Variants in KCNK3 observed in about 807,000 individuals in gnomAD.
KCNK3 encodes potassium channel subfamily K member 3.
A neutral mutation model predicts 27.3 loss-of-function variants in KCNK3; 9 were observed. The observed-to-expected ratio is 0.33, with a 90% CI of 0.20 to 0.57. The LOEUF (loss-of-function observed/expected upper bound fraction) is 0.57, where lower values mean the gene tolerates loss of function less well. Ranked by LOEUF, KCNK3 falls within the 20% of genes least tolerant of loss-of-function variation. The pLI is 0.87. For synonymous variants in KCNK3, 278 were observed against 273.8 expected (o/e 1.02, Z -0.15); for missense variants, 391 against 577.7 (o/e 0.68, Z 3.31).
chr2:26,699,803 G>A (rs527703731), intron 1 of KCNK3, among the ~76,000 whole-genome samples: 23 of 152,328 alleles, frequency 1.5e-4, no homozygotes, highest in Admixed American at 1.3e-3. Context: ...CTCCAGGACG[G>A]CAGGCGGCAT....
rs1361844478 is a variant in KCNK3, at chr2:26,692,826, G to C, written c.-50G>C. ...GGCAGCAGCAGCGGCGGCCGGGGCC[G>C]AGGCGCGGGCCGGGGGCGCCGGGGG... is the stretch of plus-strand genomic sequence containing the variant. On this transcript the variant is annotated 5_prime_UTR_variant, in exon 1 of 2. Coordinates refer to ENST00000302909, the MANE Select transcript of KCNK3 (RefSeq NM_002246.3). This position sits in a 1 kb window ranked among gnomAD's most constrained non-coding sequence, Gnocchi z 5.6. 1 of 1,057,210 alleles carries C rather than the reference G, an allele frequency of 9.5e-7. No individual in the cohort carries two copies. Among genetic ancestry groups the C allele is most frequent in the East Asian group, 5.7e-5 (1 of 17,682 alleles). The allele number at this position is 1,057,210 out of a possible 1,614,324, so 65.5% of individuals were successfully genotyped here.
intron 1 of KCNK3, among the ~76,000 whole-genome samples, chr2:26,697,884 A>C (rs902507298): frequency 1.3e-5 from 2 of 152,126 alleles, no homozygotes; most frequent in Non-Finnish European, 2.9e-5. Context: ...TTCATGAGGA[A>C]ACCTATACTT....
Position 26,721,863 on chromosome 2 carries a change from T to C in KCNK3, c.284-5804T>C, listed in dbSNP as rs1663333918. Among the ~76,000 whole-genome samples, 1 of 152,194 alleles carries C rather than the reference T, an allele frequency of 6.6e-6. No individual in the cohort carries two copies. The highest frequency in any genetic ancestry group is 1.5e-5 in the Non-Finnish European group (1 of 68,030). The stretch of plus-strand genomic sequence containing the variant: ...CCAGCCATTGCCTATTTACATTAGA[T>C]AACTAGGTCAGCCTGGAGACAGGCA... On this transcript the variant is annotated intron_variant, in intron 1 of 1. Coordinates refer to ENST00000302909, the MANE Select transcript of KCNK3 (RefSeq NM_002246.3). The surrounding 1 kb of genome is among the most constrained non-coding windows in gnomAD (Gnocchi z 4.3).
rs758115202 is a variant in KCNK3 at position 26,728,218 on chromosome 2, G to C, written c.835G>C (p.Ala279Pro). The C allele has an allele frequency of 6.4e-7, 1 of 1,563,680 alleles. No homozygotes were observed. Among genetic ancestry groups the C allele is most frequent in the Admixed American group, 1.9e-5 (1 of 53,362 alleles). ...GGGCGGCGGCGGAGGGGGTGGCAGC[G>C]CGCACACTACGGACACCGCCTCATC... is the stretch of plus-strand genomic sequence containing the variant. ...QAGGGGGGGSAHTTDTASSTA... is the reference protein window; with the variant it reads ...QAGGGGGGGSPHTTDTASSTA... The change falls in exon 2 of 2, where the codon GCG becomes CCG. Residue 279 changes from alanine (A) to proline (P), a missense_variant. By Grantham distance (27) the Ala-to-Pro change is conservative. Transcript: ENST00000302909.
At chr2:26,727,618 G>T in intron 1 of KCNK3, 49 bp from the exon 2 acceptor site, 1 of 1,511,642 alleles carries the variant, frequency 6.6e-7, no homozygotes, top group East Asian at 2.3e-5. Flanking sequence ...TTTCTGGAAG[G>T]GCAGCCCCAA....
At position 26,692,775 on chromosome 2, in the gene KCNK3, G is replaced by T; in HGVS notation, c.-101G>T. On this transcript the variant is annotated 5_prime_UTR_variant, in exon 1 of 2. Coordinates refer to ENST00000302909, the MANE Select transcript of KCNK3 (RefSeq NM_002246.3). The surrounding 1 kb of genome is among the most constrained non-coding windows in gnomAD (Gnocchi z 5.6). ...GTGCCCGGCGCGGAGAGCGGCGAGC[G>T]CAGCCATGCCCCAGGCCGCCTCCGG... 1.7e-6 allele frequency: 1 copy of T among 597,368 alleles called. No individual in the cohort carries two copies. The highest frequency in any genetic ancestry group is 2.1e-6 in the Non-Finnish European group (1 of 476,860). The allele number at this position is 597,368 out of a possible 1,614,324, so 37.0% of individuals were successfully genotyped here.
chr2:26,697,264 G>A (rs1307092741), intron 1 of KCNK3, among the ~76,000 whole-genome samples: 17 of 152,138 alleles, frequency 1.1e-4, no homozygotes, highest in South Asian at 6.2e-4. Context: ...TTTGGGAGGC[G>A]GAGGCAGAAG....
intron 1 of KCNK3, among the ~76,000 whole-genome samples, chr2:26,713,596 A>G (rs1340744882): frequency 1.3e-5 from 2 of 151,286 alleles, no homozygotes; most frequent in Admixed American, 6.6e-5. Flanking sequence ...CCTGGCCAAC[A>G]TGGTGAAACC....
chr2:26,710,110 G>C lies in KCNK3; in HGVS notation c.283+16952G>C, dbSNP rs146287982. Among the ~76,000 whole-genome samples the C allele has an allele frequency of 4.1e-3, 630 of 152,314 alleles. 5 individuals are homozygous for C. Among genetic ancestry groups the C allele is most frequent in the Middle Eastern group, 0.024 (7 of 294 alleles). ...CACGTCCCTCCCACCCTGTCCTTGC[G>C]AGATGTTCCCGCACCCTCTGCCAAG... On this transcript the variant is annotated intron_variant, in intron 1 of 1. Coordinates refer to ENST00000302909, the MANE Select transcript of KCNK3 (RefSeq NM_002246.3).
At chr2:26,717,135 G>A (rs988101349) in intron 1 of KCNK3, among the ~76,000 whole-genome samples, 13 of 152,184 alleles carry the variant, frequency 8.5e-5, no homozygotes, top group Non-Finnish European at 1.8e-4. Context: ...GGTAATAGTA[G>A]AGCTAGGATG....
chr2:26,731,145 ATC>A lies in KCNK3; in HGVS notation c.*2579_*2580del, dbSNP rs1558606711. On this transcript the variant is annotated 3_prime_UTR_variant, in exon 2 of 2. Coordinates refer to ENST00000302909, the MANE Select transcript of KCNK3 (RefSeq NM_002246.3). ...CAGCCTCCCTCAGCTCTTCCTGCCT[ATC>A]TGTCTTCACACTGAGAATGGCGCCC... 2.0e-5 allele frequency: 3 copies of A among 152,164 alleles called. No individual in the cohort carries two copies. Among genetic ancestry groups the A allele is most frequent in the Admixed American group, 1.3e-4 (2 of 15,282 alleles). The allele number at this position is 152,164 out of a possible 1,614,324, so 9.4% of individuals were successfully genotyped here. A position where few individuals can be genotyped will look rare whatever the true frequency, so the allele number is the denominator to read the frequency against.
chr2:26,711,669 C>A (rs1663110875), intron 1 of KCNK3, among the ~76,000 whole-genome samples: 1 of 152,202 alleles, frequency 6.6e-6, no homozygotes, highest in South Asian at 2.1e-4. Context: ...ATAATATATA[C>A]CAATAGGGTC....
rs113507289 is a variant in KCNK3, at chr2:26,693,977, A to G, written c.283+819A>G. Among the ~76,000 whole-genome samples, 1 of 149,324 alleles carries G rather than the reference A, an allele frequency of 6.7e-6. No homozygotes were observed. Among genetic ancestry groups the G allele is most frequent in the Non-Finnish European group, 1.5e-5 (1 of 67,966 alleles). On this transcript the variant is annotated intron_variant, in intron 1 of 1. Coordinates refer to ENST00000302909, the MANE Select transcript of KCNK3 (RefSeq NM_002246.3). This position sits in a 1 kb window ranked among gnomAD's most constrained non-coding sequence, Gnocchi z 5.5. ...AGGGCGGGCACACACACACACACAC[A>G]CAGAGAGAGAGACAGAGAGAGAGAG...
At chr2:26,713,899 AAC>A (rs1162847046) in intron 1 of KCNK3, among the ~76,000 whole-genome samples, 3 of 151,758 alleles carry the variant, frequency 2.0e-5, no homozygotes, top group African/African-American at 7.3e-5. Flanking sequence ...CACGTGGTGA[AAC>A]CCTGTCTCTA....
intron 1 of KCNK3, among the ~76,000 whole-genome samples, chr2:26,726,491 T>A (rs918012439): frequency 6.6e-6 from 1 of 152,196 alleles, no homozygotes; most frequent in Non-Finnish European, 1.5e-5. Flanking sequence ...TGGAAGAAAA[T>A]GCCAGCGTCA....
chr2:26,694,451 G>T (rs1256948138), intron 1 of KCNK3, among the ~76,000 whole-genome samples: 1 of 152,152 alleles, frequency 6.6e-6, no homozygotes, highest in Non-Finnish European at 1.5e-5. Flanking sequence ...GGGAGTAAAA[G>T]GCAGGACTAG....
intron 1 of KCNK3, among the ~76,000 whole-genome samples, chr2:26,711,371 C>T (rs374044538): frequency 3.3e-5 from 5 of 152,194 alleles, no homozygotes; most frequent in African/African-American, 9.7e-5. Context: ...CATGCTGCCC[C>T]GCACTCTCCC....
chr2:26,711,055 C>T (rs1323707818), intron 1 of KCNK3, among the ~76,000 whole-genome samples: 1 of 152,192 alleles, frequency 6.6e-6, no homozygotes, highest in Non-Finnish European at 1.5e-5. Flanking sequence ...CCGGAGCTAA[C>T]CAGCCCCTCA....
intron 1 of KCNK3, among the ~76,000 whole-genome samples, chr2:26,712,481 C>A (rs1663135892): frequency 6.6e-6 from 1 of 152,154 alleles, no homozygotes; most frequent in Non-Finnish European, 1.5e-5. Context: ...CTTTAGATCC[C>A]TAAGGGCCTG....
Sources: gnomAD v4.1 joint callset for allele counts (sites outside exome capture counted in the v4.1 genomes callset) on GRCh38, gnomAD v4.1.1 for gene constraint, Gnocchi (gnomAD v3.1) non-coding constraint, MANE v1.5 for transcripts, NCBI Gene and HGNC (gene_info 2026-07-23, HGNC 2026-07-21) for gene names.